PDE1A: variants seen among roughly 807,000 people sequenced by gnomAD.
PDE1A encodes the protein phosphodiesterase 1A.
PDE1A carries 35 observed loss-of-function variants against 61.7 expected under a neutral mutation model. The observed-to-expected ratio is 0.57, with a 90% CI of 0.43 to 0.75. PDE1A has a LOEUF of 0.75. Ranked by LOEUF, PDE1A falls within the 30% of genes least tolerant of loss-of-function variation. The pLI, the probability that PDE1A is intolerant of heterozygous loss-of-function variation, is 0.00. For missense variants in PDE1A, 597 were observed against 630.6 expected, an observed-to-expected ratio of 0.95 and a Z score of 0.57; for synonymous variants, 232 against 213.2, an observed-to-expected ratio of 1.09 and a Z score of -0.77.
At chr2:182,491,858 T>C (rs892890558) in intron 2 of PDE1A, among the ~76,000 whole-genome samples, 1 of 152,360 alleles carries the variant, frequency 6.6e-6, no homozygotes, top group East Asian at 1.9e-4. Context: ...TTGTTTCTTA[T>C]TTCTCTATGC....
At chr2:182,331,842 C>T (rs940240292) in intron 1 of PDE1A, among the ~76,000 whole-genome samples, 6 of 152,112 alleles carry the variant, frequency 3.9e-5, no homozygotes, top group Non-Finnish European at 8.8e-5. Context: ...TTGCTCTTCT[C>T]AAGTAGTATG....
chr2:182,525,865 G>C (rs1032430990), upstream of PDE1A, among the ~76,000 whole-genome samples: 2 of 151,946 alleles, frequency 1.3e-5, no homozygotes, highest in African/African-American at 2.4e-5. Context: ...AATTCAGAAA[G>C]CATACCATTC....
chr2:182,368,491 G>A (rs962376377), intron 1 of PDE1A, among the ~76,000 whole-genome samples: 6 of 150,398 alleles, frequency 4.0e-5, no homozygotes, highest in South Asian at 2.1e-4. Context: ...TACATTTCAG[G>A]TTTCACTGAT....
At chr2:182,295,739 A>C (rs1694839747) in intron 1 of PDE1A, among the ~76,000 whole-genome samples, 1 of 152,172 alleles carries the variant, frequency 6.6e-6, no homozygotes, top group African/African-American at 2.4e-5. Context: ...CTTAAGTCCT[A>C]TTTTTGAATA....
intron 10 of PDE1A, among the ~76,000 whole-genome samples, chr2:182,191,548 G>A (rs1685687083): frequency 6.6e-6 from 1 of 151,844 alleles, no homozygotes; most frequent in Non-Finnish European, 1.5e-5. Flanking sequence ...AAGTAATTGT[G>A]GTTTTTGCAA....
At chr2:182,583,228 C>T in the PDE1A span, among the ~76,000 whole-genome samples, 10 of 151,898 alleles carry the variant, frequency 6.6e-5, no homozygotes, top group South Asian at 2.1e-4. Flanking sequence ...TCAGCTATTA[C>T]GCATTTAATA....
intron 2 of PDE1A, among the ~76,000 whole-genome samples, chr2:182,481,805 C>G (rs1466717336): frequency 6.6e-6 from 1 of 151,858 alleles, no homozygotes; most frequent in Non-Finnish European, 1.5e-5. Flanking sequence ...CCCCAGTGCT[C>G]TATTAAGTTA....
intron 2 of PDE1A, among the ~76,000 whole-genome samples, chr2:182,488,994 T>G (rs999234810): frequency 5.3e-5 from 8 of 152,184 alleles, no homozygotes; most frequent in Non-Finnish European, 1.2e-4. Context: ...ATAAATAGTA[T>G]GTCAGAAGGT....
intron 1 of PDE1A, among the ~76,000 whole-genome samples, chr2:182,309,387 T>C (rs1484639643): frequency 6.6e-6 from 1 of 152,070 alleles, no homozygotes; most frequent in Non-Finnish European, 1.5e-5. Context: ...TATACTTTAT[T>C]GCACTTACAC....
At chr2:182,402,781 G>T (rs191296514) in intron 1 of PDE1A, among the ~76,000 whole-genome samples, 1 of 152,302 alleles carries the variant, frequency 6.6e-6, no homozygotes, top group African/African-American at 2.4e-5. Flanking sequence ...CTATCCATCT[G>T]ACAAAGGGCT....
the PDE1A span, among the ~76,000 whole-genome samples, chr2:182,618,192 A>T: frequency 4.6e-5 from 7 of 152,158 alleles, no homozygotes; most frequent in Non-Finnish European, 1.5e-5. Flanking sequence ...AGACAGAAAG[A>T]AGGAGAAAAG....
intron 1 of PDE1A, among the ~76,000 whole-genome samples, chr2:182,418,812 T>A (rs1703085189): frequency 6.6e-6 from 1 of 152,034 alleles, no homozygotes; most frequent in South Asian, 2.1e-4. Context: ...TTTGTGAGTT[T>A]CCTCTTCCTC....
intron 2 of PDE1A, among the ~76,000 whole-genome samples, chr2:182,450,997 G>C (rs2125714415): frequency 6.6e-6 from 1 of 152,214 alleles, no homozygotes; most frequent in African/African-American, 2.4e-5. Flanking sequence ...TCCCATTGAA[G>C]TAAGTGAAAG....
intron 5 of PDE1A, among the ~76,000 whole-genome samples, chr2:182,230,560 G>T (rs1331791161): frequency 6.6e-6 from 1 of 152,136 alleles, no homozygotes; most frequent in Non-Finnish European, 1.5e-5. Flanking sequence ...TACAGGAAAT[G>T]ATGAAAGTAA....
chr2:182,528,224 T>C, the PDE1A span, among the ~76,000 whole-genome samples: 2 of 152,176 alleles, frequency 1.3e-5, no homozygotes, highest in African/African-American at 4.8e-5. Flanking sequence ...CTGATAGTGA[T>C]ATGAACAATG....
intron 2 of PDE1A, among the ~76,000 whole-genome samples, chr2:182,499,769 A>T (rs1364349410): frequency 6.6e-6 from 1 of 152,206 alleles, no homozygotes; most frequent in Non-Finnish European, 1.5e-5. Flanking sequence ...TCATTTTTAC[A>T]CATGTATTTC....
chr2:182,636,048 C>T, the PDE1A span, among the ~76,000 whole-genome samples: 58,986 of 147,914 alleles, frequency 0.4, 13,265 homozygotes, highest in Admixed American at 0.55. Context: ...CTCCACCTCC[C>T]GGGTTCACGC....
the PDE1A span, among the ~76,000 whole-genome samples, chr2:182,541,046 C>T: frequency 5.3e-5 from 8 of 151,980 alleles, no homozygotes; most frequent in Non-Finnish European, 8.8e-5. Context: ...GAGAAAGGAA[C>T]GATGGCTGAT....
intron 2 of PDE1A, among the ~76,000 whole-genome samples, chr2:182,448,047 C>T (rs1195246787): frequency 6.6e-6 from 1 of 152,092 alleles, no homozygotes; most frequent in South Asian, 2.1e-4. Flanking sequence ...TATTTTCCCA[C>T]ATCCCAGTCA....
Sources: allele counts gnomAD v4.1 joint callset (sites outside exome capture counted in the v4.1 genomes callset), GRCh38; gene constraint gnomAD v4.1.1; transcripts MANE v1.5; gene names NCBI Gene and HGNC (gene_info 2026-07-23, HGNC 2026-07-21).